Variants in BABAM2 observed in about 807,000 individuals in gnomAD.
The protein encoded by BABAM2 is BRISC and BRCA1 A complex member 2, also known as BRISC and BRCA1-A complex member 2.
A neutral mutation model predicts 54.7 loss-of-function variants in BABAM2; 31 were observed. The ratio of observed to expected loss-of-function variants is 0.57; its 90% CI spans 0.43 to 0.77. The LOEUF (loss-of-function observed/expected upper bound fraction) is 0.77. Ranked by LOEUF, BABAM2 falls within the 30% of genes least tolerant of loss-of-function variation. BABAM2 has a pLI of 0.00. For synonymous variants in BABAM2, 167 were observed against 162.9 expected (o/e 1.03, Z -0.19); for missense variants, 364 against 455.8 (o/e 0.80, Z 1.83).
intron 7 of BABAM2, among the ~76,000 whole-genome samples, chr2:28,168,421 G>A (rs1673948312): frequency 6.6e-6 from 1 of 152,154 alleles, no homozygotes; most frequent in South Asian, 2.1e-4. Context: ...TCTTCTGGAG[G>A]TCTGTGTGTG....
intron 11 of BABAM2, chr2:28,309,515 A>G (rs1253504171): frequency 1.3e-5 from 2 of 152,464 alleles, no homozygotes; most frequent in African/African-American, 4.8e-5. Flanking sequence ...TGAATTGTCC[A>G]GCATAAGGTC....
At chr2:27,935,709 C>T (rs556132562) in intron 3 of BABAM2, among the ~76,000 whole-genome samples, 5 of 152,148 alleles carry the variant, frequency 3.3e-5, no homozygotes, top group African/African-American at 4.8e-5. Context: ...AGGGAAAAGT[C>T]GATTAATGTG....
At chr2:27,934,256 G>A (rs565196456) in intron 3 of BABAM2, among the ~76,000 whole-genome samples, 5 of 151,920 alleles carry the variant, frequency 3.3e-5, no homozygotes, top group Admixed American at 1.3e-4. Context: ...ATCATGAAGC[G>A]TTTCCACATA....
chr2:27,992,463 G>A (rs779801590), intron 4 of BABAM2, among the ~76,000 whole-genome samples: 1 of 152,090 alleles, frequency 6.6e-6, no homozygotes, highest in Non-Finnish European at 1.5e-5. Flanking sequence ...TTTTAGGGAG[G>A]TAAGACGTAG....
At chr2:28,235,829 AT>A (rs1168899170) in intron 7 of BABAM2, among the ~76,000 whole-genome samples, 23 of 147,258 alleles carry the variant, frequency 1.6e-4, no homozygotes, top group East Asian at 2.0e-4. Flanking sequence ...TAATTTTTTA[AT>A]TTTTTTTTTT....
At chr2:28,004,044 C>T (rs1673768459) in intron 4 of BABAM2, among the ~76,000 whole-genome samples, 1 of 150,536 alleles carries the variant, frequency 6.6e-6, no homozygotes, top group Admixed American at 6.6e-5. Context: ...CTTGGGTTAT[C>T]TACAAGAATG....
At chr2:27,993,090 G>T (rs1176221618) in intron 4 of BABAM2, among the ~76,000 whole-genome samples, 1 of 152,116 alleles carries the variant, frequency 6.6e-6, no homozygotes, top group African/African-American at 2.4e-5. Flanking sequence ...CTCTGCCAGG[G>T]TGACCAACTG....
intron 3 of BABAM2, among the ~76,000 whole-genome samples, chr2:27,952,728 G>A (rs1669826049): frequency 6.6e-6 from 1 of 152,150 alleles, no homozygotes; most frequent in African/African-American, 2.4e-5. Flanking sequence ...TGCATAGCAG[G>A]CTTCATGTAG....
chr2:28,238,140 G>T (rs558413972), intron 8 of BABAM2, among the ~76,000 whole-genome samples: 2 of 152,230 alleles, frequency 1.3e-5, no homozygotes, highest in South Asian at 4.1e-4. Context: ...GTGAGCCACC[G>T]CGCCCAGCCA....
chr2:27,900,091 G>A (rs1202647119), intron 2 of BABAM2, among the ~76,000 whole-genome samples: 1 of 152,140 alleles, frequency 6.6e-6, no homozygotes, highest in Non-Finnish European at 1.5e-5. Context: ...GCTTCTTTTT[G>A]GTGTGTCACT....
At chr2:27,889,975 G>A (rs1208011504), upstream of BABAM2, 2 of 336,976 alleles carry the variant, frequency 5.9e-6, no homozygotes, top group Non-Finnish European at 1.1e-5. Context: ...CTTTGGGGGC[G>A]CAAGTCTTTG....
intron 7 of BABAM2, among the ~76,000 whole-genome samples, chr2:28,189,729 A>G (rs1290186040): frequency 6.6e-6 from 1 of 152,126 alleles, no homozygotes; most frequent in East Asian, 1.9e-4. Flanking sequence ...AGATCTACAG[A>G]TTAAGTAGTC....
intron 7 of BABAM2, among the ~76,000 whole-genome samples, chr2:28,182,117 A>G (rs1253036409): frequency 6.6e-6 from 1 of 152,134 alleles, no homozygotes; most frequent in Admixed American, 6.5e-5. Flanking sequence ...AGTAGTGCTG[A>G]TCATGTAGGG....
intron 5 of BABAM2, among the ~76,000 whole-genome samples, chr2:28,025,814 T>A (rs1231729713): frequency 6.6e-6 from 1 of 152,154 alleles, no homozygotes; most frequent in East Asian, 1.9e-4. Context: ...GTAAGAGAGG[T>A]CAGTAACTCT....
At chr2:28,164,958 G>GTT (rs1673489060) in intron 7 of BABAM2, among the ~76,000 whole-genome samples, 1 of 152,086 alleles carries the variant, frequency 6.6e-6, no homozygotes, top group African/African-American at 2.4e-5. Context: ...ACTGTACTAG[G>GTT]TATCAAAAGA....
chr2:27,906,681 T>A (rs1666208635), intron 2 of BABAM2, among the ~76,000 whole-genome samples: 1 of 152,134 alleles, frequency 6.6e-6, no homozygotes, highest in African/African-American at 2.4e-5. Context: ...CACTTTAGGG[T>A]GACTTCATTT....
At chr2:28,107,138 C>G (rs1005441202) in intron 6 of BABAM2, among the ~76,000 whole-genome samples, 1 of 152,134 alleles carries the variant, frequency 6.6e-6, no homozygotes, top group African/African-American at 2.4e-5. Flanking sequence ...CTCCTGCCCC[C>G]TCCCTTGGGT....
intron 7 of BABAM2, among the ~76,000 whole-genome samples, chr2:28,197,125 T>A (rs746403986): frequency 2.3e-4 from 35 of 152,034 alleles, no homozygotes; most frequent in Non-Finnish European, 4.7e-4. Context: ...AGTGCTGGGA[T>A]TGCAGGCACG....
intron 10 of BABAM2, among the ~76,000 whole-genome samples, chr2:28,295,556 C>T (rs1026080272): frequency 2.0e-5 from 3 of 151,884 alleles, no homozygotes; most frequent in Non-Finnish European, 4.4e-5. Context: ...AGTCCAGTGG[C>T]GCTGTCTCGG....
Sources: allele counts gnomAD v4.1 joint callset (sites outside exome capture counted in the v4.1 genomes callset), GRCh38; gene constraint gnomAD v4.1.1; transcripts MANE v1.5; gene names NCBI Gene and HGNC (gene_info 2026-07-23, HGNC 2026-07-21).